NRG1: variants seen among roughly 807,000 people sequenced by gnomAD.
NRG1 encodes neuregulin 1.
NRG1 carries 18 observed loss-of-function variants against 63.8 expected under a neutral mutation model. That is an observed-to-expected ratio of 0.28 (90% confidence interval 0.19 to 0.42). The LOEUF (loss-of-function observed/expected upper bound fraction) is 0.42. NRG1 is among the 10% of genes least tolerant of loss of function. The pLI, the probability that NRG1 is intolerant of heterozygous loss-of-function variation, is 1.00. For synonymous variants in NRG1, 302 were observed against 301.3 expected (o/e 1.00, Z -0.02); for missense variants, 762 against 814.7 (o/e 0.94, Z 0.79).
rs1400093412 is a variant in NRG1, at chr8:31,995,816, A to G, written c.37+356385A>G. Among the ~76,000 whole-genome samples the G allele has an allele frequency of 5.3e-5, 8 of 151,966 alleles. 1 individual carries two copies. On this transcript the variant is annotated intron_variant, in intron 1 of 10. Coordinates refer to the NRG1 transcript ENST00000519301. ...ACCATTATTGCAATTGCGTAGTAGT[A>G]CATGCCAAATTCACCCTGTCTTTTC...
intron 1 of NRG1, among the ~76,000 whole-genome samples, chr8:32,427,213 T>C (rs1197779351): frequency 6.6e-6 from 1 of 152,168 alleles, no homozygotes. Context: ...CATTGTGATA[T>C]GAGTTTGATA....
intron 1 of NRG1, among the ~76,000 whole-genome samples, chr8:31,645,678 T>G (rs1804219377): frequency 6.6e-6 from 1 of 152,196 alleles, no homozygotes; most frequent in Admixed American, 6.5e-5. Flanking sequence ...ATTTTTGGTC[T>G]TCTTCAGGAG....
intron 1 of NRG1, among the ~76,000 whole-genome samples, chr8:32,131,597 ACTT>A (rs1361030076): frequency 2.6e-5 from 4 of 152,144 alleles, no homozygotes; most frequent in Non-Finnish European, 2.9e-5. Context: ...TTATATTTTC[ACTT>A]CTTCTAAGGG....
chr8:31,806,376 T>C (rs1355401919), intron 1 of NRG1, among the ~76,000 whole-genome samples: 1 of 152,198 alleles, frequency 6.6e-6, no homozygotes, highest in East Asian at 1.9e-4. Context: ...TATGAGCTAA[T>C]ATTCTTACCT....
rs1198629430 is a variant in NRG1 at position 32,595,744 on chromosome 8, T to A, written c.101-84T>A. On this transcript the variant is annotated intron_variant, in intron 1 of 11. Coordinates refer to ENST00000356819, the Ensembl canonical transcript of NRG1. ...TAAAACCTTTGGAATGGTGCCTTGATCAGGCTAACTCCAGATTAAATGTTT... is the reference window on the plus strand; with the variant it reads ...TAAAACCTTTGGAATGGTGCCTTGAACAGGCTAACTCCAGATTAAATGTTT... 2.4e-6 allele frequency: 3 copies of A among 1,273,438 alleles called. No homozygotes were observed. The African/African-American group carries it at 4.4e-5, about 19-fold the overall frequency. The allele number at this position is 1,273,438 out of a possible 1,614,324, so 78.9% of individuals were successfully genotyped here. A position where few individuals can be genotyped will look rare whatever the true frequency, so the allele number is the denominator to read the frequency against.
chr8:32,160,322 C>T (rs1838686685), intron 1 of NRG1, among the ~76,000 whole-genome samples: 1 of 152,186 alleles, frequency 6.6e-6, no homozygotes, highest in African/African-American at 2.4e-5. Context: ...AATTGATGAG[C>T]ACTTACTGTG....
At position 32,711,020 on chromosome 8, in the gene NRG1, T is replaced by C. The variant is rs562585075; in HGVS notation, c.503-16929T>C. Among the ~76,000 whole-genome samples the C allele has an allele frequency of 2.6e-5, 4 of 152,236 alleles. No homozygotes were observed. The South Asian group carries it at 6.2e-4, about 24-fold the overall frequency. ...TGTAGTTTGCAAACATAGAGAAATA[T>C]TCAGATGTAGAAGAATATGGCTTCT... On this transcript the variant is annotated intron_variant, in intron 5 of 11. Coordinates refer to ENST00000356819, the Ensembl canonical transcript of NRG1.
intron 1 of NRG1, among the ~76,000 whole-genome samples, chr8:32,070,979 G>C (rs558925224): frequency 6.6e-6 from 1 of 152,214 alleles, no homozygotes; most frequent in Non-Finnish European, 1.5e-5. Context: ...CACGCACCAA[G>C]CTCTGTGCCA....
At chr8:31,929,189 T>C (rs546727562) in intron 1 of NRG1, among the ~76,000 whole-genome samples, 1 of 152,330 alleles carries the variant, frequency 6.6e-6, no homozygotes, top group East Asian at 1.9e-4. Flanking sequence ...AATGGAACTA[T>C]GACTTTTCTT....
At chr8:31,726,079 C>T (rs1288258922) in intron 1 of NRG1, among the ~76,000 whole-genome samples, 2 of 151,996 alleles carry the variant, frequency 1.3e-5, no homozygotes, top group African/African-American at 4.8e-5. Context: ...GGAGATAGAA[C>T]ATCGACTGTG....
intron 1 of NRG1, among the ~76,000 whole-genome samples, chr8:31,651,355 C>T (rs1289165127): frequency 6.6e-6 from 1 of 152,200 alleles, no homozygotes; most frequent in Admixed American, 6.5e-5. Context: ...TGAGAAAGTT[C>T]AGTCATTTGT....
At chr8:31,696,778 C>T (rs182587201) in intron 1 of NRG1, among the ~76,000 whole-genome samples, 1 of 152,296 alleles carries the variant, frequency 6.6e-6, no homozygotes, top group African/African-American at 2.4e-5. Flanking sequence ...AAGTTAGTGA[C>T]AGCTGGGACC....
At chr8:32,138,805 G>T (rs1339479762) in intron 1 of NRG1, among the ~76,000 whole-genome samples, 1 of 151,950 alleles carries the variant, frequency 6.6e-6, no homozygotes, top group South Asian at 2.1e-4. Context: ...TTGAACTCCT[G>T]ACCTCAAGTG....
intron 1 of NRG1, among the ~76,000 whole-genome samples, chr8:31,671,249 A>G (rs1037559782): frequency 5.3e-5 from 8 of 152,188 alleles, no homozygotes; most frequent in Non-Finnish European, 1.0e-4. Context: ...GTGACTTCCT[A>G]GAGAGAAAGT....
rs182097859 is a variant in NRG1 at position 31,717,293 on chromosome 8, G to A, written c.37+77862G>A. Among the ~76,000 whole-genome samples, 435 of 151,936 alleles carry A rather than the reference G, an allele frequency of 2.9e-3. 3 individuals are homozygous for A. The highest frequency in any genetic ancestry group is 9.5e-3 in the African/African-American group (394 of 41,422). On this transcript the variant is annotated intron_variant, in intron 1 of 10. Transcript: ENST00000519301. ...GTGATGGTGCACACCTGTAATCCCT[G>A]CTACTCGGGAGGCTGAGCCAGGAGA...
chr8:32,490,310 A>G (rs1222524696), intron 1 of NRG1, among the ~76,000 whole-genome samples: 1 of 152,096 alleles, frequency 6.6e-6, no homozygotes, highest in Non-Finnish European at 1.5e-5. Flanking sequence ...GTCTCAAAAA[A>G]AAAAAAACTG....
intron 1 of NRG1, among the ~76,000 whole-genome samples, chr8:31,909,045 G>A (rs1832740030): frequency 6.6e-6 from 1 of 152,094 alleles, no homozygotes; most frequent in African/African-American, 2.4e-5. Flanking sequence ...TTCAACTGTA[G>A]GTCATCTCAC....
intron 1 of NRG1, among the ~76,000 whole-genome samples, chr8:32,344,382 C>CTTTTTTT (rs59156035): frequency 6.1e-5 from 4 of 65,908 alleles, no homozygotes; most frequent in Non-Finnish European, 1.3e-4. Flanking sequence ...TTCTTTCTTT[C>CTTTTTTT]TCTTTCTTTC....
chr8:32,385,735 T>A (rs7836108), intron 1 of NRG1, among the ~76,000 whole-genome samples: 2 of 151,830 alleles, frequency 1.3e-5, no homozygotes. Flanking sequence ...CCAGGCCCCA[T>A]CTTCAACACT....
Sources: gnomAD v4.1 joint callset for allele counts (sites outside exome capture counted in the v4.1 genomes callset) on GRCh38, gnomAD v4.1.1 for gene constraint, MANE v1.5 for transcripts, NCBI Gene and HGNC (gene_info 2026-07-23, HGNC 2026-07-21) for gene names.